Variants in CLN5 observed in about 807,000 individuals in gnomAD.
CLN5 encodes the protein bis(monoacylglycero)phosphate synthase CLN5.
A neutral mutation model predicts 36.7 loss-of-function variants in CLN5; 34 were observed. The observed-to-expected ratio is 0.93, with a 90% CI of 0.71 to 1.23. The LOEUF is 1.23. CLN5 is among the 50% of genes most tolerant of loss of function. CLN5 has a pLI of 0.00. For synonymous variants in CLN5, 151 were observed against 155.1 expected, an observed-to-expected ratio of 0.97 and a Z score of 0.20; for missense variants, 427 against 439.4, an observed-to-expected ratio of 0.97 and a Z score of 0.25.
chr13:77,003,148 TAA>T lies in CLN5; in HGVS notation c.*2195_*2196del, dbSNP rs11313582. On this transcript the variant is annotated 3_prime_UTR_variant, in exon 4 of 4. Coordinates refer to ENST00000377453, the MANE Select transcript of CLN5 (RefSeq NM_006493.4). ...GGTGAAACCCCGTTTCTCCTAAAATTAAAAAAAAAAAAAAAAAGCTAGGGGTG... is the reference window on the plus strand; with the variant it reads ...GGTGAAACCCCGTTTCTCCTAAAATTAAAAAAAAAAAAAAAGCTAGGGGTG... The T allele has an allele frequency of 1.4e-3, 177 of 124,412 alleles. No individual in the cohort carries two copies. Among genetic ancestry groups the T allele is most frequent in the African/African-American group, 2.6e-3 (97 of 36,766 alleles). 7.7% of individuals were successfully genotyped at this position (124,412 alleles called of 1,614,324 possible). A position where few individuals can be genotyped will look rare whatever the true frequency, so the allele number is the denominator to read the frequency against.
chr13:76,992,330 G>T (rs564672392), intron 1 of CLN5, 59 bp downstream of exon 1: 1 of 1,442,014 alleles, frequency 6.9e-7, no homozygotes, highest in Non-Finnish European at 9.3e-7. Flanking sequence ...ATGGGGGATG[G>T]GGTGCTGGGG....
At chr13:76,992,389 G>A (rs2034196000) in intron 1 of CLN5, 118 bp downstream of exon 1, 4 of 1,201,734 alleles carry the variant, frequency 3.3e-6, no homozygotes, top group African/African-American at 1.6e-5. Context: ...AGATGGTGCG[G>A]GGACAGCGCC....
At chr13:77,000,351 C>G (rs1251264296) in intron 3 of CLN5, 107 bp from the exon 4 acceptor site, 2 of 1,077,736 alleles carry the variant, frequency 1.9e-6, no homozygotes, top group Non-Finnish European at 2.6e-6. Flanking sequence ...TACCACCGCA[C>G]TCTAGCCTCG....
intron 1 of CLN5, 47 bp downstream of exon 1, chr13:76,992,318 CG>C: frequency 7.2e-7 from 1 of 1,382,798 alleles, no homozygotes; most frequent in Non-Finnish European, 9.7e-7. Flanking sequence ...TCGGCGTTGA[CG>C]ATGGGGGATG....
In CLN5 at chr13:77,000,597, G is replaced by A. The variant is rs116531784; in HGVS notation, c.705G>A (p.Val235=). 3.2e-4 allele frequency: 518 copies of A among 1,614,074 alleles called. 1 individual carries two copies. The African/African-American group carries it at 5.6e-3, about 17-fold the overall frequency. ...ATTCCTACGACTGTTCCAAATTTGT[G>A]TTAAGGACCTTTAACAAGTTGGCTG... is the stretch of plus-strand genomic sequence containing the variant. ...WFDSYDCSKF[V]LRTFNKLAEF... is the part of the protein sequence containing the mutation. Residue 235 remains valine, a synonymous_variant, in exon 4 of 4, where the codon GTG becomes GTA. Coordinates refer to ENST00000377453, the MANE Select transcript of CLN5 (RefSeq NM_006493.4).
intron 1 of CLN5, chr13:76,993,057 A>AT (rs1345277647): frequency 6.6e-6 from 1 of 152,242 alleles, no homozygotes; most frequent in African/African-American, 2.4e-5. Context: ...ATTGGACATA[A>AT]TTTTAACTTA....
rs1210450299 is a variant in CLN5, at chr13:77,005,044, T to A, written c.*4075T>A. On this transcript the variant is annotated 3_prime_UTR_variant, in exon 4 of 4. Coordinates refer to ENST00000377453, the MANE Select transcript of CLN5 (RefSeq NM_006493.4). Reference sequence around the variant, plus strand: ...TATTTTCTGTATAAAAATTTAAAAATTTATATTTCATGGTAGGTTTTAAAT... The same window carrying A: ...TATTTTCTGTATAAAAATTTAAAAAATTATATTTCATGGTAGGTTTTAAAT... 1 of 152,108 alleles carries A rather than the reference T, an allele frequency of 6.6e-6. No homozygotes were observed. The highest frequency in any genetic ancestry group is 1.9e-4 in the East Asian group (1 of 5,202). 9.4% of individuals were successfully genotyped at this position (152,108 alleles called of 1,614,324 possible). A position where few individuals can be genotyped will look rare whatever the true frequency, so the allele number is the denominator to read the frequency against.
In CLN5 at chr13:77,001,799, C is replaced by T. The variant is rs1406979186; in HGVS notation, c.*830C>T. The T allele has an allele frequency of 1.3e-5, 2 of 152,216 alleles. No homozygotes were observed. Among genetic ancestry groups the T allele is most frequent in the Admixed American group, 6.5e-5 (1 of 15,282 alleles). 9.4% of individuals were successfully genotyped at this position (152,216 alleles called of 1,614,324 possible). A position where few individuals can be genotyped will look rare whatever the true frequency, so the allele number is the denominator to read the frequency against. Reference sequence around the variant, plus strand: ...ATTTTAAGCTGATAGCATAGTGCTTCAGCGGTTCTTCTAACCGGGGTATGC... The same window carrying T: ...ATTTTAAGCTGATAGCATAGTGCTTTAGCGGTTCTTCTAACCGGGGTATGC... On this transcript the variant is annotated 3_prime_UTR_variant, in exon 4 of 4. Coordinates refer to ENST00000377453, the MANE Select transcript of CLN5 (RefSeq NM_006493.4).
rs772220707 is a variant in CLN5 at position 76,996,073 on chromosome 13, G to C, written c.511G>C (p.Asp171His). ...CGCTGCCTGCTTTTTTGAGGGAATT[G>C]ATGATGTTCACTGGAAGGAAAATGG... ...QGAACFFEGIDDVHWKENGTL... is the reference protein window; with the variant it reads ...QGAACFFEGIHDVHWKENGTL... The change falls in exon 3 of 4, where the codon GAT (aspartate) becomes CAT (histidine). Residue 171 changes from aspartate (D) to histidine (H), a missense_variant. Transcript: ENST00000377453. The C allele has an allele frequency of 1.8e-5, 29 of 1,614,142 alleles. 1 individual carries two copies. In the South Asian group the frequency reaches 3.1e-4, roughly 17 times the overall value.
chr13:76,995,336 GGT>G (rs2034247410), intron 2 of CLN5, 108 bp downstream of exon 2: 1 of 1,018,050 alleles, frequency 9.8e-7, no homozygotes, highest in African/African-American at 1.6e-5. Flanking sequence ...AGATCATGTT[GGT>G]GTTTGTCTTA....
At chr13:77,000,402 AAT>A in intron 3 of CLN5, 54 bp from the exon 4 acceptor site, 1 of 1,509,284 alleles carries the variant, frequency 6.6e-7, no homozygotes, top group Non-Finnish European at 8.9e-7. Context: ...AAAAAAAAAA[AAT>A]TAACATGATT....
At chr13:76,998,711 T>G (rs1158576014) in intron 3 of CLN5, 5 of 152,250 alleles carry the variant, frequency 3.3e-5, no homozygotes, top group African/African-American at 4.8e-5. Context: ...AAGAGCTGGA[T>G]GTAGCAGAAT....
Position 77,004,948 on chromosome 13 carries a change from C to T in CLN5, c.*3979C>T, listed in dbSNP as rs957519229. 2 of 151,914 alleles carry T rather than the reference C, an allele frequency of 1.3e-5. No homozygotes were observed. The highest frequency in any genetic ancestry group is 4.8e-5 in the African/African-American group (2 of 41,362). The allele number at this position is 151,914 out of a possible 1,614,324, so 9.4% of individuals were successfully genotyped here. On this transcript the variant is annotated 3_prime_UTR_variant, in exon 4 of 4. Transcript: ENST00000377453. ...AAAAAGACTGGTTGGGTTCAAGGAC[C>T]CTTAAAGACTGATTCTATGTCTAAA...
In CLN5 at chr13:77,002,989, T is replaced by C. The variant is rs2154035431; in HGVS notation, c.*2020T>C. The C allele has an allele frequency of 6.6e-6, 1 of 152,292 alleles. No homozygotes were observed. The highest frequency in any genetic ancestry group is 1.9e-4 in the East Asian group (1 of 5,194). 9.4% of individuals were successfully genotyped at this position (152,292 alleles called of 1,614,324 possible). On this transcript the variant is annotated 3_prime_UTR_variant, in exon 4 of 4. Transcript: ENST00000377453. ...CTGGAACTTTTAAACAAGATTCTAA[T>C]AGTTATGTGAAAAAAGCATTCAAGA...
chr13:76,995,328 A>G, intron 2 of CLN5, 100 bp downstream of exon 2: 1 of 1,068,606 alleles, frequency 9.4e-7, no homozygotes, highest in Admixed American at 1.7e-5. Flanking sequence ...CTGACTTTAG[A>G]TCATGTTGGT....
intron 3 of CLN5, chr13:76,996,414 A>G: frequency 7.6e-6 from 3 of 394,702 alleles, no homozygotes; most frequent in South Asian, 4.7e-5. Context: ...AGCAGTGTAC[A>G]CTGTACCCAA....
chr13:76,992,686 C>G, intron 1 of CLN5: 1 of 212,234 alleles, frequency 4.7e-6, no homozygotes, highest in South Asian at 7.6e-5. Flanking sequence ...ATTTACTGGG[C>G]GACCAACTCG....
chr13:76,992,402 G>A, intron 1 of CLN5, 131 bp downstream of exon 1: 1 of 1,102,238 alleles, frequency 9.1e-7, no homozygotes, highest in Non-Finnish European at 1.3e-6. Context: ...ACAGCGCCGG[G>A]TGACGCTCGG....
rs1194475987 is a variant in CLN5, at chr13:77,001,916, A to T, written c.*947A>T. ...TTCTCCCTCTTCCCACAAAGCTGTC[A>T]GCGCAGTGGAAGAGGTTGCACTTCT... is the stretch of plus-strand genomic sequence containing the variant. On this transcript the variant is annotated 3_prime_UTR_variant, in exon 4 of 4. Transcript: ENST00000377453. 2 of 152,228 alleles carry T rather than the reference A, an allele frequency of 1.3e-5. No individual in the cohort carries two copies. The highest frequency in any genetic ancestry group is 2.9e-5 in the Non-Finnish European group (2 of 68,034). The allele number at this position is 152,228 out of a possible 1,614,324, so 9.4% of individuals were successfully genotyped here.
Sources: allele counts gnomAD v4.1 joint callset, GRCh38; gene constraint gnomAD v4.1.1; transcripts MANE v1.5; gene names NCBI Gene and HGNC (gene_info 2026-07-23, HGNC 2026-07-21).